PTP4A2: variants seen among roughly 807,000 people sequenced by gnomAD.
The protein encoded by PTP4A2 is protein tyrosine phosphatase type IVA 2.
In PTP4A2, 2 loss-of-function variants were observed where a neutral mutation model predicts 22.9. That is an observed-to-expected ratio of 0.09 (90% CI 0.04 to 0.27). The LOEUF (loss-of-function observed/expected upper bound fraction) is 0.27. PTP4A2 is among the 10% of genes least tolerant of loss of function. The pLI is 1.00. For missense variants in PTP4A2, 103 were observed against 205.1 expected (o/e 0.50, Z 3.04); for synonymous variants, 68 against 69.1 (o/e 0.98, Z 0.08).
intron 1 of PTP4A2, among the ~76,000 whole-genome samples, chr1:31,928,696 CAAA>C (rs1162186046): frequency 3.5e-5 from 2 of 57,310 alleles, no homozygotes; most frequent in Non-Finnish European, 3.7e-5. Context: ...AACTCTGTCT[CAAA>C]AAAAAAAAAA....
At chr1:31,931,330 G>A (rs938546658) in intron 1 of PTP4A2, among the ~76,000 whole-genome samples, 1 of 152,196 alleles carries the variant, frequency 6.6e-6, no homozygotes, top group Non-Finnish European at 1.5e-5. Flanking sequence ...TGTGACTTGA[G>A]AAAGGTGCTT....
chr1:31,929,559 C>T (rs1652630170), intron 1 of PTP4A2, among the ~76,000 whole-genome samples: 1 of 152,104 alleles, frequency 6.6e-6, no homozygotes, highest in Non-Finnish European at 1.5e-5. Flanking sequence ...CTTTGGTAAC[C>T]TTCTTAAGAA....
intron 3 of PTP4A2, chr1:31,913,704 T>C (rs1651668182): frequency 7.4e-6 from 3 of 407,994 alleles, no homozygotes; most frequent in East Asian, 1.5e-4. Flanking sequence ...TTTAAAGGCC[T>C]GGAATAAATC....
At chr1:31,925,974 C>T (rs1652434028) in intron 1 of PTP4A2, among the ~76,000 whole-genome samples, 1 of 150,680 alleles carries the variant, frequency 6.6e-6, no homozygotes, top group Admixed American at 6.6e-5. Context: ...ACTAAAAATA[C>T]AAAAATTAGC....
In PTP4A2 at chr1:31,915,940, A is replaced by T; in HGVS notation, c.144T>A (p.Ala48=). 1 of 1,608,942 alleles carries T rather than the reference A, an allele frequency of 6.2e-7. No homozygotes were observed. Among genetic ancestry groups the T allele is most frequent in the South Asian group, 1.1e-5 (1 of 90,310 alleles). Residue 48 remains alanine, a synonymous_variant, in exon 3 of 6, where the codon GCT becomes GCA. Transcript: ENST00000647444. ...TTTCAACTGGAGCTTTATCATATGT[A>T]GCATCACAAACTCGAACCAAAGTCG... ...GVTTLVRVCD[A]TYDKAPVEKE...
Position 31,919,098 on chromosome 1 carries a change from A to G in PTP4A2, c.-33T>C. 9.3e-7 allele frequency: 1 copy of G among 1,080,524 alleles called. No homozygotes were observed. The highest frequency in any genetic ancestry group is 1.4e-6 in the Non-Finnish European group (1 of 708,730). The allele number at this position is 1,080,524 out of a possible 1,614,324, so 66.9% of individuals were successfully genotyped here. A position where few individuals can be genotyped will look rare whatever the true frequency, so the allele number is the denominator to read the frequency against. Reference sequence around the variant, plus strand: ...AATAAAAAGTGTGAGCGTGCGTGTGAGTGTGATGGGGAAAGTGAAAAAAAA... The same window carrying G: ...AATAAAAAGTGTGAGCGTGCGTGTGGGTGTGATGGGGAAAGTGAAAAAAAA... On this transcript the variant is annotated 5_prime_UTR_variant, in exon 2 of 6. Transcript: ENST00000647444.
chr1:31,912,760 T>G (rs561153177), intron 3 of PTP4A2, among the ~76,000 whole-genome samples: 1 of 152,240 alleles, frequency 6.6e-6, no homozygotes, highest in African/African-American at 2.4e-5. Context: ...TCTAATGAGA[T>G]TGGATAAGGA....
At chr1:31,925,325 C>G (rs1334666991) in intron 1 of PTP4A2, among the ~76,000 whole-genome samples, 3 of 152,160 alleles carry the variant, frequency 2.0e-5, no homozygotes, top group African/African-American at 2.4e-5. Context: ...TAGAAAGAGG[C>G]TCCAGAGGGC....
At chr1:31,917,117 T>C (rs1002718884) in intron 2 of PTP4A2, among the ~76,000 whole-genome samples, 5 of 152,226 alleles carry the variant, frequency 3.3e-5, no homozygotes, top group African/African-American at 1.2e-4. Context: ...AGGAGGACAG[T>C]GGCCTGTGCC....
At chr1:31,918,898 G>C in intron 2 of PTP4A2, 72 bp downstream of exon 2, 1 of 900,638 alleles carries the variant, frequency 1.1e-6, no homozygotes. Context: ...AAATGGCTTT[G>C]TGCTAAGAGA....
At position 31,918,951 on chromosome 1, in the gene PTP4A2, G is replaced by A. The variant is rs1354186796; in HGVS notation, c.96+19C>T. The A allele has an allele frequency of 7.3e-7, 1 of 1,372,620 alleles. No individual in the cohort carries two copies. Among genetic ancestry groups the A allele is most frequent in the African/African-American group, 1.4e-5 (1 of 69,518 alleles). 85.0% of individuals were successfully genotyped at this position (1,372,620 alleles called of 1,614,324 possible). A position where few individuals can be genotyped will look rare whatever the true frequency, so the allele number is the denominator to read the frequency against. ...TACCTAGAAATCAATCCAAAAAGTA[G>A]ACCATGCCACAATCTTACCTCTGTG... On this transcript the variant is annotated intron_variant, in intron 2 of 5. Coordinates refer to ENST00000647444, the MANE Select transcript of PTP4A2 (RefSeq NM_080391.4).
intron 3 of PTP4A2, among the ~76,000 whole-genome samples, chr1:31,912,034 G>C (rs926958235): frequency 6.6e-6 from 1 of 152,286 alleles, no homozygotes; most frequent in East Asian, 1.9e-4. Context: ...TCTCAATGCA[G>C]TGTCGCACAC....
intron 5 of PTP4A2, among the ~76,000 whole-genome samples, chr1:31,909,757 G>A (rs1294707425): frequency 5.9e-5 from 9 of 151,834 alleles, no homozygotes; most frequent in South Asian, 4.2e-4. Flanking sequence ...ATATTTGGAA[G>A]GTATTTGGAA....
At chr1:31,929,038 T>C (rs1652609776) in intron 1 of PTP4A2, among the ~76,000 whole-genome samples, 1 of 152,190 alleles carries the variant, frequency 6.6e-6, no homozygotes, top group Non-Finnish European at 1.5e-5. Flanking sequence ...ACCCCGGTGA[T>C]TAACGGTTGT....
rs1246548699 is a variant in PTP4A2 at position 31,938,191 on chromosome 1, GCTGCTGCGGCCGCCGCTGCGTCTC to G, written c.-822_-799del. 35 of 152,136 alleles carry G rather than the reference GCTGCTGCGGCCGCCGCTGCGTCTC, an allele frequency of 2.3e-4. No individual in the cohort carries two copies. The highest frequency in any genetic ancestry group is 7.3e-4 in the African/African-American group (30 of 40,978). The allele number at this position is 152,136 out of a possible 1,614,324, so 9.4% of individuals were successfully genotyped here. On this transcript the variant is annotated 5_prime_UTR_variant, in exon 1 of 6. Transcript: ENST00000647444. This position sits in a 1 kb window ranked among gnomAD's most constrained non-coding sequence, Gnocchi z 4.4. ...GTCTCCACGAGTCCGTCTTGCTGCTGCTGCTGCGGCCGCCGCTGCGTCTCCTGCTGCCGCCGCTGCCTCCGCTGC... is the reference window on the plus strand; with the variant it reads ...GTCTCCACGAGTCCGTCTTGCTGCTGCTGCTGCCGCCGCTGCCTCCGCTGC...
intron 2 of PTP4A2, 29 bp downstream of exon 2, chr1:31,918,940 TC>T: frequency 1.6e-6 from 2 of 1,236,650 alleles, no homozygotes; most frequent in Non-Finnish European, 2.4e-6. Context: ...TAGAAATCAA[TC>T]CAAAAAGTAG....
intron 1 of PTP4A2, among the ~76,000 whole-genome samples, chr1:31,922,038 A>G (rs980181550): frequency 6.6e-6 from 1 of 152,186 alleles, no homozygotes; most frequent in Non-Finnish European, 1.5e-5. Context: ...AAACAAAAAT[A>G]CATTCCATCG....
At position 31,921,156 on chromosome 1, in the gene PTP4A2, T is replaced by C. The variant is rs1465898338; in HGVS notation, c.-593-1498A>G. ...CTTGTTACGTAAATAAAGAATTGATTTTTTAAAAATCATTTCCCCTTTTCC... is the reference window on the plus strand; with the variant it reads ...CTTGTTACGTAAATAAAGAATTGATCTTTTAAAAATCATTTCCCCTTTTCC... On this transcript the variant is annotated intron_variant, in intron 1 of 5. Coordinates refer to ENST00000647444, the MANE Select transcript of PTP4A2 (RefSeq NM_080391.4). Among the ~76,000 whole-genome samples the C allele has an allele frequency of 2.0e-5, 3 of 152,170 alleles. No homozygotes were observed. In the East Asian group the frequency reaches 5.8e-4, roughly 29 times the overall value.
At chr1:31,923,473 T>C (rs1218448004) in intron 1 of PTP4A2, among the ~76,000 whole-genome samples, 2 of 151,056 alleles carry the variant, frequency 1.3e-5, no homozygotes, top group African/African-American at 2.4e-5. Context: ...TAGCTGGGAC[T>C]ACAGGCGCCC....
Sources: gnomAD v4.1 joint callset for allele counts (sites outside exome capture counted in the v4.1 genomes callset) on GRCh38, gnomAD v4.1.1 for gene constraint, Gnocchi (gnomAD v3.1) non-coding constraint, MANE v1.5 for transcripts, NCBI Gene and HGNC (gene_info 2026-07-23, HGNC 2026-07-21) for gene names.